The following PSD3 variants were observed in gnomAD, a reference collection of about 807,000 sequenced individuals.
The protein encoded by PSD3 is pleckstrin and Sec7 domain containing 3, also known as PH and SEC7 domain-containing protein 3.
A neutral mutation model predicts 105.5 loss-of-function variants in PSD3; 49 were observed. The observed-to-expected ratio is 0.46, with a 90% confidence interval of 0.37 to 0.59. The LOEUF is 0.59. Among genes scored for constraint, PSD3 ranks in the 20% least tolerant of loss-of-function variants. The probability of loss-of-function intolerance (pLI) is 0.00; values close to 1 mark genes in which losing one functional copy is unlikely to be tolerated. For missense variants in PSD3, 1,561 were observed against 1,263.8 expected, an observed-to-expected ratio of 1.24 and a Z score of -3.57; for synonymous variants, 557 against 457.8, an observed-to-expected ratio of 1.22 and a Z score of -2.77.
At chr8:19,060,109 T>G (rs573250678) in intron 1 of PSD3, among the ~76,000 whole-genome samples, 1 of 152,350 alleles carries the variant, frequency 6.6e-6, no homozygotes, top group East Asian at 1.9e-4. Flanking sequence ...AATCCAGGTT[T>G]TTGCTGAGAT....
At chr8:18,809,732 A>T (rs1483748577) in intron 4 of PSD3, among the ~76,000 whole-genome samples, 1 of 152,152 alleles carries the variant, frequency 6.6e-6, no homozygotes, top group African/African-American at 2.4e-5. Flanking sequence ...CTTATTCACA[A>T]TTAGAATCCT....
intron 11 of PSD3, among the ~76,000 whole-genome samples, chr8:18,615,615 A>T (rs1805600730): frequency 6.6e-6 from 1 of 152,222 alleles, no homozygotes; most frequent in Non-Finnish European, 1.5e-5. Context: ...TGATCAAGAA[A>T]ATCAAGCATA....
chr8:18,783,368 T>C (rs781324335), intron 8 of PSD3, among the ~76,000 whole-genome samples: 2 of 152,206 alleles, frequency 1.3e-5, no homozygotes, highest in African/African-American at 4.8e-5. Flanking sequence ...GTCAGTCTAA[T>C]TCAACTTTTG....
At chr8:18,725,179 A>G (rs1023903493) in intron 9 of PSD3, among the ~76,000 whole-genome samples, 6 of 152,136 alleles carry the variant, frequency 3.9e-5, no homozygotes, top group Admixed American at 2.6e-4. Flanking sequence ...ATCCACCCAA[A>G]TTCTATCCAT....
upstream of PSD3, among the ~76,000 whole-genome samples, chr8:19,014,967 C>G (rs937614865): frequency 2.0e-5 from 3 of 152,216 alleles, no homozygotes; most frequent in South Asian, 2.1e-4. The surrounding 1 kb of genome is among the most constrained non-coding windows in gnomAD (Gnocchi z 4.9). Flanking sequence ...CATGCTCCCC[C>G]TGCCAGAGCA....
At chr8:18,989,320 T>C (rs1269586809) in intron 1 of PSD3, 1 of 152,212 alleles carries the variant, frequency 6.6e-6, no homozygotes, top group Non-Finnish European at 1.5e-5. Context: ...TCTTCTGCTT[T>C]CAGTCTCTTT....
chr8:18,619,004 ACTC>A (rs1805909809), intron 11 of PSD3, among the ~76,000 whole-genome samples: 1 of 151,602 alleles, frequency 6.6e-6, no homozygotes. Context: ...CTCTATCTCT[ACTC>A]CTCCTCACCA....
intron 15 of PSD3, among the ~76,000 whole-genome samples, chr8:18,544,171 CAAAAA>C (rs201016537): frequency 8.4e-5 from 9 of 106,720 alleles, no homozygotes; most frequent in African/African-American, 4.0e-4. Flanking sequence ...AGAAACAAAC[CAAAAA>C]AAAAAAAAAA....
At chr8:18,674,770 GCTGAGGTGGGAGAAGCAT>G (rs1585581643) in intron 9 of PSD3, among the ~76,000 whole-genome samples, 1 of 152,296 alleles carries the variant, frequency 6.6e-6, no homozygotes, top group East Asian at 1.9e-4. Flanking sequence ...ACTTTGGGAG[GCTGAGGTGGGAGAAGCAT>G]CTGAGGTGGG....
At chr8:19,041,867 T>C (rs1356344323) in intron 1 of PSD3, among the ~76,000 whole-genome samples, 1 of 152,192 alleles carries the variant, frequency 6.6e-6, no homozygotes, top group Non-Finnish European at 1.5e-5. Flanking sequence ...CTTTCCTATG[T>C]GGCTTTACAG....
intron 2 of PSD3, among the ~76,000 whole-genome samples, chr8:18,900,785 G>A (rs192966034): frequency 1.3e-4 from 19 of 151,638 alleles, no homozygotes; most frequent in Non-Finnish European, 1.5e-5. Context: ...GACTACAGGT[G>A]TGCACCAACA....
At chr8:18,730,859 A>G (rs1000311024) in intron 9 of PSD3, among the ~76,000 whole-genome samples, 3 of 152,228 alleles carry the variant, frequency 2.0e-5, no homozygotes, top group African/African-American at 7.2e-5. Context: ...ACACTGAACA[A>G]ATAAATAGCC....
At chr8:18,865,224 T>A (rs560032785) in intron 4 of PSD3, 1 of 64,562 alleles carries the variant, frequency 1.5e-5, no homozygotes, top group Admixed American at 1.9e-4. Flanking sequence ...AGATTCTATG[T>A]TATATATATA....
chr8:18,668,773 ATAT>A (rs1423512628), intron 9 of PSD3, among the ~76,000 whole-genome samples: 5 of 152,222 alleles, frequency 3.3e-5, no homozygotes, highest in South Asian at 4.1e-4. Flanking sequence ...ACCTGTGTAC[ATAT>A]TATTTTAAAT....
At chr8:18,922,652 T>C (rs1189393226) in intron 2 of PSD3, among the ~76,000 whole-genome samples, 2 of 152,310 alleles carry the variant, frequency 1.3e-5, no homozygotes, top group Admixed American at 1.3e-4. Flanking sequence ...TCTCCAAGAC[T>C]GCCCCTTCCC....
At chr8:18,742,593 C>T (rs1025728147) in intron 9 of PSD3, among the ~76,000 whole-genome samples, 1 of 152,096 alleles carries the variant, frequency 6.6e-6, no homozygotes, top group Non-Finnish European at 1.5e-5. Flanking sequence ...TAGTGAATTC[C>T]GGATCCCCCT....
chr8:18,612,448 C>A (rs1805335163), intron 11 of PSD3, among the ~76,000 whole-genome samples: 1 of 151,876 alleles, frequency 6.6e-6, no homozygotes, highest in Non-Finnish European at 1.5e-5. Flanking sequence ...TCTCGGCTCA[C>A]TGCAACCTCC....
At chr8:18,599,909 T>C (rs988046901) in intron 12 of PSD3, among the ~76,000 whole-genome samples, 22 of 152,132 alleles carry the variant, frequency 1.4e-4, no homozygotes, top group African/African-American at 5.3e-4. Context: ...TATAAATTAG[T>C]CACAGTAAGA....
chr8:19,019,778 A>G (rs926598999), intron 1 of PSD3, among the ~76,000 whole-genome samples: 2 of 152,228 alleles, frequency 1.3e-5, no homozygotes, highest in African/African-American at 4.8e-5. Context: ...TCACCACGGT[A>G]CTTGCCTGGT....
Sources: allele counts gnomAD v4.1 joint callset (sites outside exome capture counted in the v4.1 genomes callset), GRCh38; gene constraint gnomAD v4.1.1; non-coding constraint Gnocchi (gnomAD v3.1); transcripts MANE v1.5; gene names NCBI Gene and HGNC (gene_info 2026-07-23, HGNC 2026-07-21).